CDIN1: variants seen among roughly 807,000 people sequenced by gnomAD.
The protein encoded by CDIN1 is CDAN1-interacting nuclease 1.
In CDIN1, 33 loss-of-function variants were observed where a neutral mutation model predicts 45.3. That is an observed-to-expected ratio of 0.73 (90% CI 0.55 to 0.97). CDIN1 has a LOEUF of 0.97. Ranked by LOEUF, CDIN1 falls within the 50% of genes least tolerant of loss-of-function variation. The pLI is 0.00. For synonymous variants in CDIN1, 118 were observed against 124.4 expected (o/e 0.95, Z 0.34); for missense variants, 303 against 339.4 (o/e 0.89, Z 0.84).
chr15:36,644,260 T>G lies in CDIN1; in HGVS notation c.102-18T>G. ...TGCACTCCAGTAATTAACTTTGTCC[T>G]TCTTTTATTTGTTCCAGTCAATCGC... On this transcript the variant is annotated intron_variant, in intron 1 of 10. Transcript: ENST00000566621. 1.2e-6 allele frequency: 2 copies of G among 1,613,126 alleles called. No homozygotes were observed. The highest frequency in any genetic ancestry group is 1.1e-5 in the South Asian group (1 of 90,962).
At chr15:36,663,052 A>G (rs750253649) in intron 5 of CDIN1, among the ~76,000 whole-genome samples, 3 of 152,034 alleles carry the variant, frequency 2.0e-5, no homozygotes, top group Non-Finnish European at 2.9e-5. Flanking sequence ...AGGTAAAAAC[A>G]TCTCTTTGAA....
chr15:36,705,778 A>G (rs1444330023), intron 8 of CDIN1: 3 of 152,178 alleles, frequency 2.0e-5, no homozygotes, highest in Admixed American at 6.6e-5. Context: ...TTTTAAATAT[A>G]TACCTTAAAC....
chr15:36,630,722 G>T (rs1194480413), intron 1 of CDIN1, among the ~76,000 whole-genome samples: 2 of 152,178 alleles, frequency 1.3e-5, no homozygotes. Context: ...GAAGCAGGGT[G>T]CTGGCTTCTG....
At chr15:36,773,049 C>CA (rs1364026243) in intron 10 of CDIN1, among the ~76,000 whole-genome samples, 13 of 151,946 alleles carry the variant, frequency 8.6e-5, no homozygotes, top group African/African-American at 3.1e-4. Flanking sequence ...AGAAGCCCCT[C>CA]ATTCTTCATC....
chr15:36,584,427 C>T (rs2037195170), intron 1 of CDIN1, among the ~76,000 whole-genome samples: 1 of 152,144 alleles, frequency 6.6e-6, no homozygotes, highest in Non-Finnish European at 1.5e-5. Context: ...AACAGTTAGA[C>T]TCTGTCTCTA....
At chr15:36,805,008 C>T (rs1176215612) in intron 10 of CDIN1, among the ~76,000 whole-genome samples, 3 of 151,878 alleles carry the variant, frequency 2.0e-5, no homozygotes, top group Non-Finnish European at 1.5e-5. Context: ...TATAAGGGGT[C>T]ATTACTTATG....
intron 5 of CDIN1, among the ~76,000 whole-genome samples, chr15:36,660,147 T>C (rs998344685): frequency 2.6e-5 from 4 of 152,104 alleles, no homozygotes; most frequent in African/African-American, 9.7e-5. Flanking sequence ...TGTGTTTCCA[T>C]TATGAAACAA....
Position 36,808,744 on chromosome 15 carries a change from T to A in CDIN1, c.*291T>A, listed in dbSNP as rs2055312827. ...AGTCATAATCTTTCTTTCTTCCGGA[T>A]GGTTTATCCTTGTATGCTGAACAAA... On this transcript the variant is annotated 3_prime_UTR_variant, in exon 11 of 11. Transcript: ENST00000566621. 1.1e-5 allele frequency: 5 copies of A among 451,066 alleles called. No individual in the cohort carries two copies. The highest frequency in any genetic ancestry group is 1.0e-4 in the East Asian group (2 of 19,882). The allele number at this position is 451,066 out of a possible 1,614,324, so 27.9% of individuals were successfully genotyped here. A position where few individuals can be genotyped will look rare whatever the true frequency, so the allele number is the denominator to read the frequency against.
intron 1 of CDIN1, among the ~76,000 whole-genome samples, chr15:36,580,748 G>A (rs1249969635): frequency 1.3e-5 from 2 of 152,202 alleles, no homozygotes; most frequent in Non-Finnish European, 2.9e-5. Context: ...TATTTATGTT[G>A]TGTTAAAAGC....
intron 10 of CDIN1, among the ~76,000 whole-genome samples, chr15:36,760,285 T>G (rs571604169): frequency 1.3e-5 from 2 of 152,318 alleles, no homozygotes; most frequent in East Asian, 3.9e-4. Flanking sequence ...TTTCATTCTC[T>G]TCTGTCTTGT....
intron 3 of CDIN1, among the ~76,000 whole-genome samples, chr15:36,650,400 A>AT (rs35649363): frequency 6.9e-6 from 1 of 143,972 alleles, no homozygotes; most frequent in Non-Finnish European, 1.5e-5. Flanking sequence ...GCTTGAGAAA[A>AT]TTTTTATTTA....
chr15:36,685,675 A>C (rs1200867922), intron 5 of CDIN1, among the ~76,000 whole-genome samples: 1 of 152,204 alleles, frequency 6.6e-6, no homozygotes, highest in African/African-American at 2.4e-5. Flanking sequence ...CAAAGGGCTA[A>C]TATCCAGAAT....
At position 36,586,791 on chromosome 15, in the gene CDIN1, A is replaced by T. The variant is rs142393412; in HGVS notation, c.101+6830A>T. Among the ~76,000 whole-genome samples the T allele has an allele frequency of 1.9e-3, 289 of 152,346 alleles. 2 individuals are homozygous for T. In the Middle Eastern group the frequency reaches 0.027, roughly 14 times the overall value. ...TCTAAAAACAAAATAAAACAAAACAAAATAGGATAATGTAGTAACTAATTT... is the reference window on the plus strand; with the variant it reads ...TCTAAAAACAAAATAAAACAAAACATAATAGGATAATGTAGTAACTAATTT... On this transcript the variant is annotated intron_variant, in intron 1 of 10. Coordinates refer to ENST00000566621, the MANE Select transcript of CDIN1 (RefSeq NM_001321759.2).
At chr15:36,594,038 GTTTTC>G (rs1351222404) in intron 1 of CDIN1, among the ~76,000 whole-genome samples, 1 of 152,094 alleles carries the variant, frequency 6.6e-6, no homozygotes, top group East Asian at 1.9e-4. Context: ...TGCCTTCAAA[GTTTTC>G]TTTTAATTTA....
At chr15:36,701,637 C>T (rs77444249) in intron 8 of CDIN1, among the ~76,000 whole-genome samples, 2,816 of 152,256 alleles carry the variant, frequency 0.018, 96 homozygotes, top group African/African-American at 0.065. Flanking sequence ...CTTGTTAAGT[C>T]TGGCCTAATA....
chr15:36,657,731 G>A (rs2040835617), intron 4 of CDIN1, 102 bp from the exon 5 acceptor site: 2 of 866,668 alleles, frequency 2.3e-6, no homozygotes, highest in Non-Finnish European at 3.6e-6. Context: ...TGCTTGCTAT[G>A]GTTGATTAAA....
At chr15:36,676,558 CCACTGTGGTAT>C (rs2041657688) in intron 5 of CDIN1, among the ~76,000 whole-genome samples, 1 of 152,136 alleles carries the variant, frequency 6.6e-6, no homozygotes, top group Non-Finnish European at 1.5e-5. Context: ...ATACCAGTAG[CCACTGTGGTAT>C]CACCTTTAGA....
At chr15:36,618,725 GTGCAGC>G (rs2039012381) in intron 1 of CDIN1, 1 of 772,570 alleles carries the variant, frequency 1.3e-6, no homozygotes, top group East Asian at 2.5e-5. Context: ...AGTTCTCCAT[GTGCAGC>G]TGAGCCTACT....
intron 10 of CDIN1, chr15:36,799,769 A>G (rs865978644): frequency 6.6e-6 from 1 of 152,162 alleles, no homozygotes; most frequent in African/African-American, 2.4e-5. Flanking sequence ...ACAAGCTTGT[A>G]TGTAGATTCT....
Sources: gnomAD v4.1 joint callset for allele counts (sites outside exome capture counted in the v4.1 genomes callset) on GRCh38, gnomAD v4.1.1 for gene constraint, MANE v1.5 for transcripts, NCBI Gene and HGNC (gene_info 2026-07-23, HGNC 2026-07-21) for gene names.